Variants in ASAP1 observed in about 807,000 individuals in gnomAD.
ASAP1 encodes the protein arf-GAP with SH3 domain, ANK repeat and PH domain-containing protein 1.
In ASAP1, 43 loss-of-function variants were observed where a neutral mutation model predicts 145.2. The ratio of observed to expected loss-of-function variants is 0.30; its 90% CI spans 0.23 to 0.38. The LOEUF (loss-of-function observed/expected upper bound fraction) is 0.38, where lower values mean the gene tolerates loss of function less well. ASAP1 is among the 10% of genes least tolerant of loss of function. The probability of loss-of-function intolerance (pLI) is 1.00; values close to 1 mark genes in which losing one functional copy is unlikely to be tolerated. For missense variants in ASAP1, 1,018 were observed against 1,355.3 expected, an observed-to-expected ratio of 0.75 and a Z score of 3.91; for synonymous variants, 546 against 515.5, an observed-to-expected ratio of 1.06 and a Z score of -0.80.
chr8:130,057,684 G>A (rs1218713337), intron 29 of ASAP1, among the ~76,000 whole-genome samples: 1 of 152,166 alleles, frequency 6.6e-6, no homozygotes, highest in African/African-American at 2.4e-5. Context: ...TCCCGACCTC[G>A]AGATCCATCC....
At chr8:130,254,679 G>A (rs543563785) in intron 3 of ASAP1, among the ~76,000 whole-genome samples, 1 of 152,238 alleles carries the variant, frequency 6.6e-6, no homozygotes, top group South Asian at 2.1e-4. Flanking sequence ...TGTAAACAGT[G>A]CTAAATCAAG....
rs367682809 is a variant in ASAP1 at position 130,257,917 on chromosome 8, C to T, written c.187-20923G>A. 3.3e-4 allele frequency among the ~76,000 whole-genome samples: 50 copies of T among 152,024 alleles called. 3 individuals are homozygous for T. The East Asian group carries it at 3.3e-3, about 10-fold the overall frequency. On this transcript the variant is annotated intron_variant, in intron 3 of 29. Coordinates refer to ENST00000518721, the MANE Select transcript of ASAP1 (RefSeq NM_018482.4). ...TAAAGAAGAGATTGCAAATGTGGGG[C>T]CCCAAATCCAAATTCAACCTGCCAT...
intron 11 of ASAP1, among the ~76,000 whole-genome samples, chr8:130,166,011 CT>C (rs1554837165): frequency 6.6e-6 from 1 of 151,856 alleles, no homozygotes; most frequent in Non-Finnish European, 1.5e-5. Flanking sequence ...TTAAATATTG[CT>C]CTTCATTTTT....
At chr8:130,200,664 A>C (rs996614215) in intron 5 of ASAP1, among the ~76,000 whole-genome samples, 9 of 152,156 alleles carry the variant, frequency 5.9e-5, no homozygotes, top group African/African-American at 2.2e-4. Flanking sequence ...ATAACAGATA[A>C]GATTACTGTT....
chr8:130,072,831 G>GTGTGCGTGCGCGCGCGCGCGCGCACGCGC (rs58907739), intron 27 of ASAP1, among the ~76,000 whole-genome samples: 7 of 110,772 alleles, frequency 6.3e-5, no homozygotes, highest in East Asian at 2.2e-4. Flanking sequence ...GTGTGCGCGC[G>GTGTGCGTGCGCGCGCGCGCGCGCACGCGC]GGGGGGGGCA....
intron 3 of ASAP1, among the ~76,000 whole-genome samples, chr8:130,342,751 A>AG (rs1825464549): frequency 1.4e-5 from 1 of 72,620 alleles, no homozygotes; most frequent in South Asian, 2.8e-4. Context: ...GCCAACTCTC[A>AG]GAAACAAGTT....
rs1221193561 is a variant in ASAP1, at chr8:130,358,472, G to C, written c.60-329C>G. Among the ~76,000 whole-genome samples, 1 of 148,286 alleles carries C rather than the reference G, an allele frequency of 6.7e-6. No homozygotes were observed. Among genetic ancestry groups the C allele is most frequent in the African/African-American group, 2.4e-5 (1 of 41,032 alleles). ...GGCGGGGGAGGGGACGCGGCTGCGC[G>C]CGGGGTCTTCGCGGGGGTCTGGGCT... On this transcript the variant is annotated intron_variant, in intron 2 of 29. Coordinates refer to ENST00000518721, the MANE Select transcript of ASAP1 (RefSeq NM_018482.4). The surrounding 1 kb of genome is among the most constrained non-coding windows in gnomAD (Gnocchi z 4.1).
At position 130,159,100 on chromosome 8, in the gene ASAP1, G is replaced by A. The variant is rs180778584; in HGVS notation, c.1010+764C>T. Among the ~76,000 whole-genome samples the A allele has an allele frequency of 3.9e-5, 6 of 152,268 alleles. No individual in the cohort carries two copies. In the East Asian group the frequency reaches 5.8e-4, roughly 15 times the overall value. ...GTGAACTGCAGAAAAAGAAGAATGA[G>A]CGATACAAAGAGACCAGTTAGGAGG... is the stretch of plus-strand genomic sequence containing the variant. On this transcript the variant is annotated intron_variant, in intron 12 of 29. Transcript: ENST00000518721.
At chr8:130,166,555 G>T (rs2097680206) in intron 11 of ASAP1, among the ~76,000 whole-genome samples, 1 of 151,996 alleles carries the variant, frequency 6.6e-6, no homozygotes, top group South Asian at 2.1e-4. Context: ...GGGTCTTGTA[G>T]GTTTCTGTCT....
chr8:130,285,927 TATC>T (rs56038473), intron 3 of ASAP1, among the ~76,000 whole-genome samples: 3,965 of 152,332 alleles, frequency 0.026, 63 homozygotes, highest in Middle Eastern at 0.044. Flanking sequence ...CTGGAACAGA[TATC>T]ATAAATAATT....
At chr8:130,217,071 T>C (rs889338500) in intron 4 of ASAP1, among the ~76,000 whole-genome samples, 1 of 152,304 alleles carries the variant, frequency 6.6e-6, no homozygotes, top group Non-Finnish European at 1.5e-5. Context: ...CATTTCCCCA[T>C]ACTCTCAAAG....
In ASAP1 at chr8:130,338,397, T is replaced by C. The variant is rs575576905; in HGVS notation, c.186+19620A>G. Among the ~76,000 whole-genome samples the C allele has an allele frequency of 7.9e-5, 12 of 152,250 alleles. No homozygotes were observed. The South Asian group carries it at 2.1e-3, about 26-fold the overall frequency. ...TAAAAATTAGCTGCTACAATTAAAG[T>C]ATTCTGCATAGGGGAAGTATTCAAC... On this transcript the variant is annotated intron_variant, in intron 3 of 29. Coordinates refer to ENST00000518721, the MANE Select transcript of ASAP1 (RefSeq NM_018482.4).
chr8:130,055,733 T>C (rs1018926340), intron 29 of ASAP1, among the ~76,000 whole-genome samples: 1 of 152,198 alleles, frequency 6.6e-6, no homozygotes, highest in Non-Finnish European at 1.5e-5. Flanking sequence ...AAGAGAATCA[T>C]GTAATGGGCC....
At chr8:130,077,390 C>T (rs537488751) in intron 26 of ASAP1, among the ~76,000 whole-genome samples, 2 of 152,230 alleles carry the variant, frequency 1.3e-5, no homozygotes, top group East Asian at 1.9e-4. Context: ...GAGGTTTTGG[C>T]GATTCTCAGA....
intron 7 of ASAP1, 48 bp downstream of exon 7, chr8:130,187,188 C>A (rs752552142): frequency 1.4e-5 from 21 of 1,508,756 alleles, no homozygotes; most frequent in Non-Finnish European, 9.0e-7. Flanking sequence ...CCAAAATTCA[C>A]AACAATATTA....
At chr8:130,428,463 TCATCACCACCAC>T (rs1830015536) in intron 1 of ASAP1, among the ~76,000 whole-genome samples, 1 of 140,596 alleles carries the variant, frequency 7.1e-6, no homozygotes, top group Non-Finnish European at 1.6e-5. Context: ...ATCACCATCA[TCATCACCACCAC>T]CACCACCATC....
chr8:130,328,592 T>C (rs1489159499), intron 3 of ASAP1, among the ~76,000 whole-genome samples: 1 of 151,286 alleles, frequency 6.6e-6, no homozygotes, highest in African/African-American at 2.4e-5. Flanking sequence ...CCCAATTAAT[T>C]AGTTATGGCT....
chr8:130,364,415 A>G (rs1029726701), intron 2 of ASAP1, among the ~76,000 whole-genome samples: 2 of 152,198 alleles, frequency 1.3e-5, no homozygotes, highest in Non-Finnish European at 2.9e-5. Context: ...CAGGTACTGT[A>G]TTATTCCCCA....
At chr8:130,400,515 A>G (rs544427973) in intron 2 of ASAP1, among the ~76,000 whole-genome samples, 7 of 151,570 alleles carry the variant, frequency 4.6e-5, no homozygotes, top group South Asian at 2.1e-4. Flanking sequence ...CCAGGTGGGC[A>G]CGGTGGCTCA....
Sources: allele counts gnomAD v4.1 joint callset (sites outside exome capture counted in the v4.1 genomes callset), GRCh38; gene constraint gnomAD v4.1.1; non-coding constraint Gnocchi (gnomAD v3.1); transcripts MANE v1.5; gene names NCBI Gene and HGNC (gene_info 2026-07-23, HGNC 2026-07-21).